IGF1R: variants seen among roughly 807,000 people sequenced by gnomAD.
The protein encoded by IGF1R is insulin like growth factor 1 receptor.
Under a neutral mutation model 144.6 loss-of-function variants are expected in IGF1R, and 44 were observed. That is an observed-to-expected ratio of 0.30 (90% CI 0.24 to 0.39). The LOEUF is 0.39. Ranked by LOEUF, IGF1R falls within the 10% of genes least tolerant of loss-of-function variation. The probability of loss-of-function intolerance (pLI) is 1.00; values close to 1 mark genes in which losing one functional copy is unlikely to be tolerated. For synonymous variants in IGF1R, 795 were observed against 722.8 expected (o/e 1.10, Z -1.60); for missense variants, 1,355 against 1,833.7 (o/e 0.74, Z 4.77).
At chr15:98,782,062 G>A (rs144177382) in intron 2 of IGF1R, among the ~76,000 whole-genome samples, 188 of 152,026 alleles carry the variant, frequency 1.2e-3, no homozygotes, top group Non-Finnish European at 1.9e-3. Context: ...TCCTGACTCC[G>A]GTGATCCTCC....
At chr15:98,654,771 T>C (rs1359541378) in intron 1 of IGF1R, among the ~76,000 whole-genome samples, 1 of 151,886 alleles carries the variant, frequency 6.6e-6, no homozygotes, top group South Asian at 2.1e-4. Context: ...ACTAAATATA[T>C]AATAGTTGCA....
At chr15:98,665,894 T>G (rs973098032) in intron 1 of IGF1R, among the ~76,000 whole-genome samples, 1 of 147,990 alleles carries the variant, frequency 6.8e-6, no homozygotes, top group Non-Finnish European at 1.5e-5. Flanking sequence ...TAGTCCTGTT[T>G]AGGCAACTTG....
intron 1 of IGF1R, chr15:98,650,958 T>A (rs1596140149): frequency 1.0e-6 from 1 of 984,496 alleles, no homozygotes; most frequent in Admixed American, 6.2e-5. Context: ...GAGGTGGGGG[T>A]TTTATTCTTC....
chr15:98,832,209 C>T (rs573924662), intron 2 of IGF1R, among the ~76,000 whole-genome samples: 7 of 152,040 alleles, frequency 4.6e-5, no homozygotes, highest in Admixed American at 6.5e-5. Flanking sequence ...TCTGTGTGCC[C>T]AAGGAGACTG....
intron 2 of IGF1R, among the ~76,000 whole-genome samples, chr15:98,734,524 C>T (rs73475607): frequency 0.013 from 2,001 of 152,272 alleles, 47 homozygotes; most frequent in African/African-American, 0.045. Context: ...ACATTAACTT[C>T]GCAGTAAAGT....
intron 2 of IGF1R, among the ~76,000 whole-genome samples, chr15:98,887,674 A>G (rs1362369224): frequency 1.3e-5 from 2 of 152,130 alleles, no homozygotes; most frequent in Admixed American, 6.5e-5. Context: ...CTGCTGGCAC[A>G]CGCCTGACGA....
chr15:98,916,948 C>T, intron 10 of IGF1R, 72 bp downstream of exon 10: 1 of 1,317,402 alleles, frequency 7.6e-7, no homozygotes, highest in Non-Finnish European at 1.1e-6. Context: ...TTTCTCCCCA[C>T]CAGGTAGTGT....
At chr15:98,772,056 A>G (rs549120205) in intron 2 of IGF1R, among the ~76,000 whole-genome samples, 15 of 152,222 alleles carry the variant, frequency 9.9e-5, no homozygotes, top group African/African-American at 3.6e-4. Context: ...TACATCCCTT[A>G]AGTTCTCATA....
At chr15:98,690,853 A>G (rs2053459860) in intron 1 of IGF1R, among the ~76,000 whole-genome samples, 1 of 152,216 alleles carries the variant, frequency 6.6e-6, no homozygotes, top group South Asian at 2.1e-4. Flanking sequence ...TTGGCGGGTC[A>G]GGCAGAAGCA....
chr15:98,851,733 A>G (rs1368794593), intron 2 of IGF1R, among the ~76,000 whole-genome samples: 1 of 152,194 alleles, frequency 6.6e-6, no homozygotes, highest in African/African-American at 2.4e-5. Flanking sequence ...GACCAACCAG[A>G]AGGGGACTTA....
chr15:98,760,316 C>T (rs2055262086), intron 2 of IGF1R, among the ~76,000 whole-genome samples: 1 of 151,700 alleles, frequency 6.6e-6, no homozygotes, highest in Non-Finnish European at 1.5e-5. Flanking sequence ...TGTGTCATTG[C>T]ACTCCAGCCT....
intron 1 of IGF1R, among the ~76,000 whole-genome samples, chr15:98,664,718 A>C (rs2052688117): frequency 6.7e-6 from 1 of 149,918 alleles, no homozygotes; most frequent in South Asian, 2.1e-4. Context: ...AGTGTCACCC[A>C]TCTTGGAGGA....
At chr15:98,833,321 T>C (rs2057034880) in intron 2 of IGF1R, among the ~76,000 whole-genome samples, 1 of 152,224 alleles carries the variant, frequency 6.6e-6, no homozygotes, top group Non-Finnish European at 1.5e-5. Flanking sequence ...TCCTGGTTGA[T>C]TCAGTACTTG....
At chr15:98,912,469 G>A (rs1404133091) in intron 7 of IGF1R, among the ~76,000 whole-genome samples, 1 of 152,192 alleles carries the variant, frequency 6.6e-6, no homozygotes, top group African/African-American at 2.4e-5. Flanking sequence ...ATGCATCTGT[G>A]CGAAGTACTA....
intron 2 of IGF1R, among the ~76,000 whole-genome samples, chr15:98,832,985 C>G (rs1002717005): frequency 6.6e-5 from 10 of 152,156 alleles, no homozygotes; most frequent in African/African-American, 2.4e-4. Flanking sequence ...GTTGAACTAG[C>G]TCTACAGATT....
At chr15:98,687,303 G>C (rs938338957) in intron 1 of IGF1R, among the ~76,000 whole-genome samples, 1 of 152,200 alleles carries the variant, frequency 6.6e-6, no homozygotes, top group Non-Finnish European at 1.5e-5. Context: ...GAAGGGGCGA[G>C]TCTGCACCCA....
rs544674838 is a variant in IGF1R at position 98,649,525 on chromosome 15, CTTTTT to C, written c.-37_-33del. ...TCATTTCCTTTTTTTCTTTTCTTTT[CTTTTT>C]TTTTTTTTTTTTTTTTTTTGAGAAA... is the stretch of plus-strand genomic sequence containing the variant. On this transcript the variant is annotated 5_prime_UTR_variant, in exon 1 of 21. Transcript: ENST00000650285. 14,910 of 722,040 alleles carry C rather than the reference CTTTTT, an allele frequency of 0.021. 141 individuals carry two copies. The highest frequency in any genetic ancestry group is 0.058 in the African/African-American group (2,735 of 47,440). 44.7% of individuals were successfully genotyped at this position (722,040 alleles called of 1,614,324 possible). A position where few individuals can be genotyped will look rare whatever the true frequency, so the allele number is the denominator to read the frequency against.
At chr15:98,728,332 C>G (rs375685798) in intron 2 of IGF1R, among the ~76,000 whole-genome samples, 74 of 152,226 alleles carry the variant, frequency 4.9e-4, no homozygotes, top group African/African-American at 1.7e-3. Context: ...GTCGGGTTGT[C>G]TAGACTCAGC....
intron 2 of IGF1R, among the ~76,000 whole-genome samples, chr15:98,732,090 C>G (rs2054508888): frequency 6.6e-6 from 1 of 152,310 alleles, no homozygotes; most frequent in Middle Eastern, 3.4e-3. Context: ...TAGACACAGC[C>G]ACACTTCTGG....
Sources: allele counts gnomAD v4.1 joint callset (sites outside exome capture counted in the v4.1 genomes callset), GRCh38; gene constraint gnomAD v4.1.1; transcripts MANE v1.5; gene names NCBI Gene and HGNC (gene_info 2026-07-23, HGNC 2026-07-21).